The following SLBP variants were observed in gnomAD, a reference collection of about 807,000 sequenced individuals.
The protein encoded by SLBP is histone RNA hairpin-binding protein.
SLBP carries 29 observed loss-of-function variants against 39.2 expected under a neutral mutation model. The observed-to-expected ratio is 0.74, with a 90% CI of 0.55 to 1.01. The LOEUF (loss-of-function observed/expected upper bound fraction) is 1.01. Ranked by LOEUF, SLBP falls within the 50% of genes least tolerant of loss-of-function variation. The probability of loss-of-function intolerance (pLI) is 0.00; values close to 1 mark genes in which losing one functional copy is unlikely to be tolerated. For synonymous variants in SLBP, 129 were observed against 118.7 expected, an observed-to-expected ratio of 1.09 and a Z score of -0.57; for missense variants, 390 against 350.2, an observed-to-expected ratio of 1.11 and a Z score of -0.91.
rs780581296 is a variant in SLBP at position 1,696,306 on chromosome 4, AAATT to A, written c.521_524del (p.Lys174IlefsTer39). On this transcript the variant is annotated frameshift_variant, in exon 6 of 8. Coordinates refer to ENST00000489418, the MANE Select transcript of SLBP (RefSeq NM_006527.4). LOFTEE classifies it high-confidence loss of function. ...CCCATGAACGTCGACTATACTTCTT[AAATT>A]TATTAGGGGTCTTGGGATGAATGCC... The A allele has an allele frequency of 1.2e-6, 2 of 1,601,260 alleles. No homozygotes were observed. Among genetic ancestry groups the A allele is most frequent in the Non-Finnish European group, 1.7e-6 (2 of 1,174,544 alleles).
At chr4:1,709,405 T>C (rs902482223) in intron 2 of SLBP, among the ~76,000 whole-genome samples, 1 of 152,194 alleles carries the variant, frequency 6.6e-6, no homozygotes, top group Non-Finnish European at 1.5e-5. Context: ...TGCTCTCTTA[T>C]CTGTAAACAG....
At chr4:1,696,046 G>C (rs1422218129) in intron 6 of SLBP, among the ~76,000 whole-genome samples, 156 bp downstream of exon 6, 1 of 152,096 alleles carries the variant, frequency 6.6e-6, no homozygotes, top group South Asian at 2.1e-4. Context: ...CTCCCTCCCA[G>C]TACAGAAGAA....
At chr4:1,694,904 TACAG>T (rs1171913906) in intron 6 of SLBP, 64 bp from the exon 7 acceptor site, 35 of 1,120,716 alleles carry the variant, frequency 3.1e-5, no homozygotes, top group Non-Finnish European at 4.1e-5. Context: ...GACGGGGCGC[TACAG>T]ACAAACCCCA....
Position 1,712,261 on chromosome 4 carries a change from A to G in SLBP, c.-73T>C. 1.4e-5 allele frequency: 13 copies of G among 948,810 alleles called. No homozygotes were observed. The highest frequency in any genetic ancestry group is 1.7e-5 in the Non-Finnish European group (12 of 708,166). 58.8% of individuals were successfully genotyped at this position (948,810 alleles called of 1,614,324 possible). A position where few individuals can be genotyped will look rare whatever the true frequency, so the allele number is the denominator to read the frequency against. ...GCGGCGCGGGCAGAGAGCGCAGAGT[A>G]GAGCAGGGCAGGGCCTGAGGCAGAA... On this transcript the variant is annotated 5_prime_UTR_variant, in exon 1 of 8. Transcript: ENST00000489418.
intron 5 of SLBP, among the ~76,000 whole-genome samples, chr4:1,697,228 G>A (rs1716143637): frequency 6.7e-6 from 1 of 149,482 alleles, no homozygotes; most frequent in Non-Finnish European, 1.5e-5. Flanking sequence ...AGCACTTTGG[G>A]AGGCTGAGGC....
chr4:1,711,075 A>AG (rs1716748244), intron 2 of SLBP, among the ~76,000 whole-genome samples: 1 of 140,990 alleles, frequency 7.1e-6, no homozygotes, highest in Non-Finnish European at 1.5e-5. Flanking sequence ...AAAAAAAAAA[A>AG]GTAACGCAAA....
intron 2 of SLBP, among the ~76,000 whole-genome samples, chr4:1,711,236 C>G (rs994592014): frequency 3.3e-5 from 5 of 151,768 alleles, no homozygotes; most frequent in African/African-American, 9.7e-5. Context: ...TATCCCGAAC[C>G]ACGCATTTCC....
chr4:1,711,193 C>T (rs919396527), intron 2 of SLBP, among the ~76,000 whole-genome samples: 2 of 151,484 alleles, frequency 1.3e-5, no homozygotes, highest in African/African-American at 4.9e-5. Flanking sequence ...CCCAACCCAT[C>T]AGCAAGTCTC....
At chr4:1,712,029 C>A (rs754559998) in intron 1 of SLBP, 39 bp from the exon 2 acceptor site, 1 of 1,257,084 alleles carries the variant, frequency 8.0e-7, no homozygotes. Context: ...ACGGGAGGTT[C>A]GGGACCGCCT....
chr4:1,701,306 T>C (rs1716319308), intron 3 of SLBP, among the ~76,000 whole-genome samples: 1 of 151,902 alleles, frequency 6.6e-6, no homozygotes, highest in East Asian at 1.9e-4. Flanking sequence ...CCACCACGCC[T>C]GGCTAATTTT....
rs1185750640 is a variant in SLBP at position 1,696,309 on chromosome 4, T to C, written c.522A>G (p.Lys174=). Reference sequence around the variant, plus strand: ...ATGAACGTCGACTATACTTCTTAAATTTATTAGGGGTCTTGGGATGAATGC... The same window carrying C: ...ATGAACGTCGACTATACTTCTTAAACTTATTAGGGGTCTTGGGATGAATGC... ...QPGIHPKTPN[K]FKKYSRRSWD... The change falls in exon 6 of 8, where the codon AAA becomes AAG. Residue 174 remains lysine, a synonymous_variant. Transcript: ENST00000489418. 14 of 1,600,864 alleles carry C rather than the reference T, an allele frequency of 8.7e-6. No individual in the cohort carries two copies. Among genetic ancestry groups the C allele is most frequent in the Admixed American group, 1.7e-5 (1 of 57,694 alleles).
chr4:1,708,122 G>A (rs553525995), intron 2 of SLBP, among the ~76,000 whole-genome samples: 213 of 150,814 alleles, frequency 1.4e-3, no homozygotes, highest in African/African-American at 4.8e-3. Flanking sequence ...GCGTGGTGGC[G>A]CATGCCTGTA....
chr4:1,707,989 G>C (rs971868805), intron 2 of SLBP, among the ~76,000 whole-genome samples: 1 of 151,114 alleles, frequency 6.6e-6, no homozygotes, highest in African/African-American at 2.4e-5. Flanking sequence ...TGAGGCAGGA[G>C]AATTGCTTGA....
rs763332721 is a variant in SLBP at position 1,693,584 on chromosome 4, C to A, written c.*13G>T. The stretch of plus-strand genomic sequence containing the variant: ...GGGAGGAGCTGTTTCTCTTCCTGGC[C>A]GCCAGGGGGCAGTTAGCTCATGGCT... On this transcript the variant is annotated 3_prime_UTR_variant, in exon 8 of 8. Transcript: ENST00000489418. 1.2e-5 allele frequency: 19 copies of A among 1,547,252 alleles called. No individual in the cohort carries two copies. The highest frequency in any genetic ancestry group is 1.6e-5 in the Non-Finnish European group (18 of 1,119,254).
At chr4:1,698,040 T>C (rs527897364) in intron 5 of SLBP, among the ~76,000 whole-genome samples, 6 of 151,056 alleles carry the variant, frequency 4.0e-5, no homozygotes, top group East Asian at 4.0e-4. Flanking sequence ...GGTAGGAGGA[T>C]TGCTTGAGGC....
At chr4:1,702,611 T>C (rs1716367725) in intron 3 of SLBP, among the ~76,000 whole-genome samples, 1 of 152,208 alleles carries the variant, frequency 6.6e-6, no homozygotes, top group Middle Eastern at 3.2e-3. Context: ...TCCTTGCAAC[T>C]GGGTTTGAGT....
In SLBP at chr4:1,711,868, G is replaced by A. The variant is rs1398174615; in HGVS notation, c.176+6C>T. 6.1e-6 allele frequency: 8 copies of A among 1,304,332 alleles called. No individual in the cohort carries two copies. Among genetic ancestry groups the A allele is most frequent in the African/African-American group, 1.5e-5 (1 of 64,760 alleles). The allele number at this position is 1,304,332 out of a possible 1,614,324, so 80.8% of individuals were successfully genotyped here. On this transcript the variant is annotated splice_donor_region_variant and intron_variant, in intron 2 of 7. Transcript: ENST00000489418. ...CCGCGCCCCGACCCCCGGGTCCCGC[G>A]CCCACCTCTCGGGTCTGCGCTCGGC...
chr4:1,701,969 C>G (rs187972321), intron 3 of SLBP, among the ~76,000 whole-genome samples: 1 of 152,148 alleles, frequency 6.6e-6, no homozygotes, highest in Non-Finnish European at 1.5e-5. Flanking sequence ...ATCAACAGAG[C>G]AGCCCAAACA....
At chr4:1,706,724 T>G (rs923523730) in intron 2 of SLBP, among the ~76,000 whole-genome samples, 1 of 152,134 alleles carries the variant, frequency 6.6e-6, no homozygotes, top group Non-Finnish European at 1.5e-5. Flanking sequence ...GAGAATCCCT[T>G]GGACCCAGGA....
Sources: allele counts gnomAD v4.1 joint callset (sites outside exome capture counted in the v4.1 genomes callset), GRCh38; gene constraint gnomAD v4.1.1; transcripts MANE v1.5; gene names NCBI Gene and HGNC (gene_info 2026-07-23, HGNC 2026-07-21).